ACOX3: variants seen among roughly 807,000 people sequenced by gnomAD.
The protein encoded by ACOX3 is acyl-CoA oxidase 3, pristanoyl.
A neutral mutation model predicts 81.5 loss-of-function variants in ACOX3; 73 were observed. That is an observed-to-expected ratio of 0.90 (90% CI 0.74 to 1.09). The LOEUF (loss-of-function observed/expected upper bound fraction) is 1.09, where lower values mean the gene tolerates loss of function less well. ACOX3 is among the 50% of genes least tolerant of loss of function. The pLI is 0.00. For synonymous variants in ACOX3, 387 were observed against 375.1 expected (o/e 1.03, Z -0.37); for missense variants, 947 against 928.0 (o/e 1.02, Z -0.27).
the ACOX3 span, among the ~76,000 whole-genome samples, chr4:8,360,120 G>A: frequency 1.3e-5 from 2 of 152,218 alleles, no homozygotes; most frequent in African/African-American, 4.8e-5. Context: ...TTGTAACCAT[G>A]TGGCCATGCT....
At position 8,370,781 on chromosome 4, in the gene ACOX3, A is replaced by G; in HGVS notation, c.1983+127T>C. The G allele has an allele frequency of 1.3e-6, 1 of 789,318 alleles. No homozygotes were observed. The highest frequency in any genetic ancestry group is 2.1e-6 in the Non-Finnish European group (1 of 487,556). 48.9% of individuals were successfully genotyped at this position (789,318 alleles called of 1,614,324 possible). On this transcript the variant is annotated intron_variant, in intron 17 of 17. Coordinates refer to ENST00000356406, the MANE Select transcript of ACOX3 (RefSeq NM_003501.3). The surrounding 1 kb of genome is among the most constrained non-coding windows in gnomAD (Gnocchi z 6.3). ...CCTGACTTGTCCCGGGCCCTCCCCA[A>G]GAAGCTCCTCCATGTGTGACCACTT... is the stretch of plus-strand genomic sequence containing the variant.
At chr4:8,383,936 G>A (rs1259159802) in intron 13 of ACOX3, among the ~76,000 whole-genome samples, 1 of 152,174 alleles carries the variant, frequency 6.6e-6, no homozygotes, top group African/African-American at 2.4e-5. Context: ...GAAACGGTCC[G>A]GCCAGAAACC....
intron 1 of ACOX3, chr4:8,436,470 T>C (rs961844254): frequency 6.6e-6 from 1 of 151,926 alleles, no homozygotes; most frequent in Non-Finnish European, 1.5e-5. Flanking sequence ...GAATTATATT[T>C]AAAAAAGGGC....
chr4:8,429,898 G>A (rs1464422094), intron 1 of ACOX3, among the ~76,000 whole-genome samples: 2 of 151,712 alleles, frequency 1.3e-5, no homozygotes, highest in East Asian at 3.9e-4. Flanking sequence ...GCAACATAGT[G>A]AGACTCTGCA....
At position 8,414,174 on chromosome 4, in the gene ACOX3, G is replaced by C. The variant is rs1722080450; in HGVS notation, c.543+118C>G. On this transcript the variant is annotated intron_variant, in intron 5 of 17. Transcript: ENST00000356406. This position sits in a 1 kb window ranked among gnomAD's most constrained non-coding sequence, Gnocchi z 6.1. ...TCTCAGTGGGTATTTCTACACAAGT[G>C]TATGTGGACAGGCCTCTTGCTTTAA... The C allele has an allele frequency of 1.2e-6, 1 of 845,990 alleles. No individual in the cohort carries two copies. Among genetic ancestry groups the C allele is most frequent in the African/African-American group, 1.7e-5 (1 of 58,582 alleles). 52.4% of individuals were successfully genotyped at this position (845,990 alleles called of 1,614,324 possible). A position where few individuals can be genotyped will look rare whatever the true frequency, so the allele number is the denominator to read the frequency against.
At position 8,416,607 on chromosome 4, in the gene ACOX3, G is replaced by C; in HGVS notation, c.-14-72C>G. Reference sequence around the variant, plus strand: ...TCAAACTACCCCCACCAACAGGAGAGCCCGCAACACCTTACAAATCAGAGA... The same window carrying C: ...TCAAACTACCCCCACCAACAGGAGACCCCGCAACACCTTACAAATCAGAGA... On this transcript the variant is annotated intron_variant, in intron 1 of 17. Transcript: ENST00000356406. This position sits in a 1 kb window ranked among gnomAD's most constrained non-coding sequence, Gnocchi z 4.2. 1 of 1,442,236 alleles carries C rather than the reference G, an allele frequency of 6.9e-7. No homozygotes were observed. The highest frequency in any genetic ancestry group is 9.2e-7 in the Non-Finnish European group (1 of 1,085,610). The allele number at this position is 1,442,236 out of a possible 1,614,324, so 89.3% of individuals were successfully genotyped here.
intron 14 of ACOX3, among the ~76,000 whole-genome samples, chr4:8,379,770 C>G (rs1407586542): frequency 6.6e-6 from 1 of 152,186 alleles, no homozygotes; most frequent in African/African-American, 2.4e-5. Flanking sequence ...TGGAGAATCT[C>G]TATTCCATTA....
At chr4:8,427,798 A>T (rs936796015) in intron 1 of ACOX3, among the ~76,000 whole-genome samples, 1 of 152,212 alleles carries the variant, frequency 6.6e-6, no homozygotes, top group Admixed American at 6.5e-5. Context: ...CAGTGTCTAG[A>T]CAAGGTCTAC....
intron 8 of ACOX3, among the ~76,000 whole-genome samples, chr4:8,398,490 C>T (rs950306): frequency 0.39 from 59,146 of 151,892 alleles, 14,061 homozygotes; most frequent in African/African-American, 0.68. Flanking sequence ...TCTTTCTTTC[C>T]TTCTCTTTTG....
At chr4:8,365,325 G>A (rs1472066393), downstream of ACOX3, among the ~76,000 whole-genome samples, 2 of 152,258 alleles carry the variant, frequency 1.3e-5, no homozygotes, top group Non-Finnish European at 2.9e-5. Flanking sequence ...AAAGCAGGAA[G>A]AGTATCATAG....
rs903597467 is a variant in ACOX3, at chr4:8,431,393, C to G, written c.-15+9255G>C. 2.0e-5 allele frequency among the ~76,000 whole-genome samples: 3 copies of G among 152,242 alleles called. No individual in the cohort carries two copies. The highest frequency in any genetic ancestry group is 2.0e-4 in the Admixed American group (3 of 15,286). ...ATTTGCCTGCTCACGCTGTAGCACT[C>G]TCCATCCACCGTGCTCCCCTCCTGG... On this transcript the variant is annotated intron_variant, in intron 1 of 17. Coordinates refer to ENST00000356406, the MANE Select transcript of ACOX3 (RefSeq NM_003501.3). This position sits in a 1 kb window ranked among gnomAD's most constrained non-coding sequence, Gnocchi z 5.3.
At chr4:8,429,834 C>G (rs938899299) in intron 1 of ACOX3, among the ~76,000 whole-genome samples, 12 of 151,966 alleles carry the variant, frequency 7.9e-5, no homozygotes, top group African/African-American at 2.9e-4. Context: ...CCCAACTACT[C>G]GTGAGGCTGA....
chr4:8,403,632 G>A (rs189174388), intron 7 of ACOX3, among the ~76,000 whole-genome samples: 3 of 152,190 alleles, frequency 2.0e-5, no homozygotes, highest in Non-Finnish European at 4.4e-5. Context: ...CGATCCTATA[G>A]GAGACCGTAT....
rs1228669314 is a variant in ACOX3 at position 8,416,993 on chromosome 4, C to T, written c.-14-458G>A. Among the ~76,000 whole-genome samples, 3 of 152,258 alleles carry T rather than the reference C, an allele frequency of 2.0e-5. No homozygotes were observed. Among genetic ancestry groups the T allele is most frequent in the Non-Finnish European group, 4.4e-5 (3 of 68,052 alleles). On this transcript the variant is annotated intron_variant, in intron 1 of 17. Coordinates refer to ENST00000356406, the MANE Select transcript of ACOX3 (RefSeq NM_003501.3). This position sits in a 1 kb window ranked among gnomAD's most constrained non-coding sequence, Gnocchi z 4.2. ...GGCCACACACAATGGTACCTCACGT[C>T]TCCACCCACCGCCGGTCCACCTGGA...
At chr4:8,408,337 G>A (rs913625427) in intron 6 of ACOX3, among the ~76,000 whole-genome samples, 2 of 151,892 alleles carry the variant, frequency 1.3e-5, no homozygotes, top group South Asian at 4.2e-4. Flanking sequence ...GGTCTGGGGC[G>A]CAGATCACAA....
intron 1 of ACOX3, among the ~76,000 whole-genome samples, chr4:8,422,571 T>C (rs1220398092): frequency 1.3e-5 from 2 of 152,228 alleles, no homozygotes; most frequent in Admixed American, 6.5e-5. Context: ...TTGCCCCCAT[T>C]TGCCACTATA....
chr4:8,374,534 A>G (rs1188491184), intron 15 of ACOX3: 1 of 160,564 alleles, frequency 6.2e-6, no homozygotes, highest in East Asian at 1.8e-4. Context: ...AGACGAACAA[A>G]AAGTTGACAA....
In ACOX3 at chr4:8,384,559, C is replaced by T. The variant is rs1578883806; in HGVS notation, c.1538-2952G>A. On this transcript the variant is annotated intron_variant, in intron 13 of 17. Coordinates refer to ENST00000356406, the MANE Select transcript of ACOX3 (RefSeq NM_003501.3). This position sits in a 1 kb window ranked among gnomAD's most constrained non-coding sequence, Gnocchi z 5.3. Reference sequence around the variant, plus strand: ...CACCACGGCCTTTCCATGTGCCTCACACCAGAAGGACTCTCGAAGGTGCCC... The same window carrying T: ...CACCACGGCCTTTCCATGTGCCTCATACCAGAAGGACTCTCGAAGGTGCCC... Among the ~76,000 whole-genome samples, 2 of 152,184 alleles carry T rather than the reference C, an allele frequency of 1.3e-5. No homozygotes were observed. Among genetic ancestry groups the T allele is most frequent in the Non-Finnish European group, 2.9e-5 (2 of 68,030 alleles).
chr4:8,389,590 C>A lies in ACOX3; in HGVS notation c.1423+22G>T. The A allele has an allele frequency of 6.2e-7, 1 of 1,613,314 alleles. No individual in the cohort carries two copies. Among genetic ancestry groups the A allele is most frequent in the African/African-American group, 1.3e-5 (1 of 75,050 alleles). ...CCCCAGTTGGGTTCCAGCGCCCCCA[C>A]CAGTGTGCAGCAGAGCCTCACCGTG... On this transcript the variant is annotated intron_variant, in intron 12 of 17. Transcript: ENST00000356406. This position sits in a 1 kb window ranked among gnomAD's most constrained non-coding sequence, Gnocchi z 5.3.
Sources: gnomAD v4.1 joint callset for allele counts (sites outside exome capture counted in the v4.1 genomes callset) on GRCh38, gnomAD v4.1.1 for gene constraint, Gnocchi (gnomAD v3.1) non-coding constraint, MANE v1.5 for transcripts, NCBI Gene and HGNC (gene_info 2026-07-23, HGNC 2026-07-21) for gene names.